FNIP2: variants seen among roughly 807,000 people sequenced by gnomAD.
FNIP2 encodes folliculin interacting protein 2, also known as folliculin-interacting protein 2.
Under a neutral mutation model 108.7 loss-of-function variants are expected in FNIP2, and 32 were observed. That is an observed-to-expected ratio of 0.29 (90% CI 0.22 to 0.40). The LOEUF is 0.40. FNIP2 is among the 10% of genes least tolerant of loss of function. The probability of loss-of-function intolerance (pLI) is 1.00; values close to 1 mark genes in which losing one functional copy is unlikely to be tolerated. For synonymous variants in FNIP2, 480 were observed against 496.7 expected (o/e 0.97, Z 0.45); for missense variants, 1,202 against 1,381.6 (o/e 0.87, Z 2.06).
At chr4:158,775,123 G>A (rs556842402) in intron 1 of FNIP2, among the ~76,000 whole-genome samples, 109 of 152,140 alleles carry the variant, frequency 7.2e-4, no homozygotes, top group Non-Finnish European at 9.8e-4. Flanking sequence ...TGTCCTTGCC[G>A]TCATGAAATA....
intron 15 of FNIP2, 149 bp downstream of exon 15, chr4:158,891,795 G>T (rs1291173353): frequency 1.3e-6 from 1 of 763,772 alleles, no homozygotes; most frequent in Non-Finnish European, 2.1e-6. Flanking sequence ...CATAAAACTC[G>T]CAACAGGATA....
chr4:158,879,185 G>A (rs1248220790), intron 14 of FNIP2, among the ~76,000 whole-genome samples: 1 of 150,364 alleles, frequency 6.7e-6, no homozygotes, highest in Admixed American at 6.6e-5. Flanking sequence ...TCCCAAGTAG[G>A]GAGAATATTA....
chr4:158,830,885 T>A (rs1778446333), intron 3 of FNIP2, among the ~76,000 whole-genome samples: 1 of 152,192 alleles, frequency 6.6e-6, no homozygotes, highest in Non-Finnish European at 1.5e-5. Flanking sequence ...CCCAAGACAC[T>A]CATTCAGATG....
intron 1 of FNIP2, among the ~76,000 whole-genome samples, chr4:158,785,738 C>T (rs1267336467): frequency 6.8e-6 from 1 of 146,856 alleles, no homozygotes; most frequent in East Asian, 1.9e-4. Context: ...CAGAGATTCT[C>T]CTCTATAGAT....
At position 158,833,528 on chromosome 4, in the gene FNIP2, C is replaced by T. The variant is rs775975751; in HGVS notation, c.555C>T (p.Asn185=). 1 of 1,582,438 alleles carries T rather than the reference C, an allele frequency of 6.3e-7. No homozygotes were observed. The highest frequency in any genetic ancestry group is 1.2e-5 in the South Asian group (1 of 84,860). ...TTTTCCCCCCCATCTCCGGATATAG[C>T]TTGCAAGACAGCTTTGAGTACATCA... is the stretch of plus-strand genomic sequence containing the variant. ...RMGSFCGSTN[N]LQDSFEYINQ... is the part of the protein sequence containing the mutation. The change falls in exon 6 of 17, where the codon AAC becomes AAT. Residue 185 remains asparagine, a splice_region_variant and synonymous_variant. Transcript: ENST00000264433.
In FNIP2 at chr4:158,896,920, C is replaced by T. The variant is rs188900951; in HGVS notation, c.3266+1055C>T. Among the ~76,000 whole-genome samples, 386 of 151,744 alleles carry T rather than the reference C, an allele frequency of 2.5e-3. 2 individuals are homozygous for T. The highest frequency in any genetic ancestry group is 3.3e-3 in the Non-Finnish European group (222 of 67,934). On this transcript the variant is annotated intron_variant, in intron 16 of 16. Transcript: ENST00000264433. Reference sequence around the variant, plus strand: ...TGCAGGTCTGTTACATAGGTATACACGTGCCATGGTGGTTTGCTGCACCCA... The same window carrying T: ...TGCAGGTCTGTTACATAGGTATACATGTGCCATGGTGGTTTGCTGCACCCA...
At chr4:158,888,423 A>G (rs1443080867) in intron 14 of FNIP2, among the ~76,000 whole-genome samples, 1 of 152,234 alleles carries the variant, frequency 6.6e-6, no homozygotes, top group Non-Finnish European at 1.5e-5. Flanking sequence ...ATTTTCATTC[A>G]GCAAGTAACA....
At chr4:158,823,573 A>T (rs1284925497) in intron 1 of FNIP2, among the ~76,000 whole-genome samples, 6 of 152,244 alleles carry the variant, frequency 3.9e-5, no homozygotes, top group African/African-American at 9.6e-5. Flanking sequence ...CATAGTCATC[A>T]GACTGTGTTG....
intron 8 of FNIP2, among the ~76,000 whole-genome samples, chr4:158,858,669 T>C (rs1015643488): frequency 1.3e-5 from 2 of 152,244 alleles, no homozygotes; most frequent in Non-Finnish European, 2.9e-5. Flanking sequence ...TCTTGTTCAA[T>C]AGAATACCAC....
chr4:158,775,333 T>C (rs774998181), intron 1 of FNIP2, among the ~76,000 whole-genome samples: 29 of 152,204 alleles, frequency 1.9e-4, no homozygotes, highest in Non-Finnish European at 3.8e-4. Flanking sequence ...AGTAAGTCTT[T>C]CCTTTGGATG....
At chr4:158,845,147 TAAAAG>T (rs1779331307) in intron 7 of FNIP2, among the ~76,000 whole-genome samples, 3 of 152,366 alleles carry the variant, frequency 2.0e-5, no homozygotes, top group South Asian at 2.1e-4. Context: ...AAAAGTATTG[TAAAAG>T]AAAAGCTCCT....
intron 1 of FNIP2, among the ~76,000 whole-genome samples, chr4:158,820,305 A>G (rs1399795372): frequency 2.6e-5 from 4 of 152,220 alleles, no homozygotes; most frequent in Non-Finnish European, 4.4e-5. Flanking sequence ...ACCCATGACC[A>G]CTTCTACTCT....
chr4:158,828,440 C>T (rs1778276893), intron 2 of FNIP2, among the ~76,000 whole-genome samples: 1 of 152,072 alleles, frequency 6.6e-6, no homozygotes, highest in Non-Finnish European at 1.5e-5. Flanking sequence ...ATGGTGAAAC[C>T]CCATCTCCAC....
At chr4:158,853,558 G>T (rs1270068281) in intron 8 of FNIP2, among the ~76,000 whole-genome samples, 2 of 152,118 alleles carry the variant, frequency 1.3e-5, no homozygotes, top group Non-Finnish European at 2.9e-5. Flanking sequence ...GCCGGTGTGT[G>T]ATGTTCCCCA....
Position 158,825,898 on chromosome 4 carries a change from G to C in FNIP2, c.108-18G>C. ...TGCTGCAGATAACATAACTTCTTTT[G>C]CCCTTTTTAATCCACAGTTGGTCAT... On this transcript the variant is annotated intron_variant, in intron 1 of 16. Transcript: ENST00000264433. 1 of 1,599,940 alleles carries C rather than the reference G, an allele frequency of 6.3e-7. No individual in the cohort carries two copies. The highest frequency in any genetic ancestry group is 8.6e-7 in the Non-Finnish European group (1 of 1,169,576).
chr4:158,894,191 G>A (rs1234707575), intron 15 of FNIP2, among the ~76,000 whole-genome samples: 2 of 133,614 alleles, frequency 1.5e-5, no homozygotes, highest in African/African-American at 5.7e-5. Context: ...TTTTTTTTGA[G>A]ACAGAGTTTC....
chr4:158,813,036 A>G (rs935767804), intron 1 of FNIP2, among the ~76,000 whole-genome samples: 14 of 152,224 alleles, frequency 9.2e-5, no homozygotes, highest in Admixed American at 5.2e-4. Context: ...TACACATTCA[A>G]GGTCCCTTCA....
chr4:158,828,977 C>A, intron 2 of FNIP2, 102 bp from the exon 3 acceptor site: 1 of 961,096 alleles, frequency 1.0e-6, no homozygotes, highest in Non-Finnish European at 1.5e-6. Flanking sequence ...TTAATGCAAC[C>A]TAGGCACCAG....
intron 6 of FNIP2, 98 bp from the exon 7 acceptor site, chr4:158,835,307 C>A: frequency 2.3e-6 from 2 of 886,940 alleles, no homozygotes; most frequent in Non-Finnish European, 3.7e-6. Flanking sequence ...TCATCAGTAG[C>A]AGTAGCCTAC....
Sources: allele counts gnomAD v4.1 joint callset (sites outside exome capture counted in the v4.1 genomes callset), GRCh38; gene constraint gnomAD v4.1.1; transcripts MANE v1.5; gene names NCBI Gene and HGNC (gene_info 2026-07-23, HGNC 2026-07-21).